MSI2: variants seen among roughly 807,000 people sequenced by gnomAD.
MSI2 encodes the protein musashi RNA binding protein 2, also known as RNA-binding protein Musashi homolog 2.
In MSI2, 17 loss-of-function variants were observed where a neutral mutation model predicts 45.6. The observed-to-expected ratio is 0.37, with a 90% CI of 0.26 to 0.56. The LOEUF (loss-of-function observed/expected upper bound fraction) is 0.56, where lower values mean the gene tolerates loss of function less well. MSI2 is among the 20% of genes least tolerant of loss of function. The probability of loss-of-function intolerance (pLI) is 0.77; values close to 1 mark genes in which losing one functional copy is unlikely to be tolerated. For missense variants in MSI2, 293 were observed against 444.2 expected (o/e 0.66, Z 3.06); for synonymous variants, 156 against 158.2 (o/e 0.99, Z 0.11).
chr17:57,283,411 C>T (rs1302296079), intron 5 of MSI2, among the ~76,000 whole-genome samples: 2 of 152,118 alleles, frequency 1.3e-5, no homozygotes, highest in African/African-American at 4.8e-5. Flanking sequence ...TCCCCGCCTC[C>T]AACTTCAGGG....
intron 11 of MSI2, among the ~76,000 whole-genome samples, chr17:57,661,513 T>C (rs1420056085): frequency 6.6e-6 from 1 of 152,032 alleles, no homozygotes; most frequent in Non-Finnish European, 1.5e-5. Flanking sequence ...CAGAACCATC[T>C]AAAGAAGATA....
At chr17:57,356,688 T>A (rs959209511) in intron 5 of MSI2, among the ~76,000 whole-genome samples, 2 of 152,228 alleles carry the variant, frequency 1.3e-5, no homozygotes, top group African/African-American at 4.8e-5. Flanking sequence ...GACTGATGTT[T>A]TATGCCTAAA....
chr17:57,481,528 T>A (rs1330433158), intron 6 of MSI2, among the ~76,000 whole-genome samples: 1 of 152,238 alleles, frequency 6.6e-6, no homozygotes, highest in Non-Finnish European at 1.5e-5. Context: ...TAACTAGGTC[T>A]CTTTGGGAAT....
At chr17:57,340,985 G>T (rs1325431417) in intron 5 of MSI2, among the ~76,000 whole-genome samples, 1 of 152,174 alleles carries the variant, frequency 6.6e-6, no homozygotes, top group Non-Finnish European at 1.5e-5. Flanking sequence ...TTGCTCCCCC[G>T]GTATCCATTC....
intron 7 of MSI2, among the ~76,000 whole-genome samples, chr17:57,592,641 A>G (rs751832151): frequency 1.4e-4 from 22 of 152,310 alleles, no homozygotes; most frequent in Non-Finnish European, 2.5e-4. Context: ...AATCCGGGCT[A>G]TCTCCTTTAA....
chr17:57,384,346 G>A (rs2083649005), intron 5 of MSI2, among the ~76,000 whole-genome samples: 2 of 152,146 alleles, frequency 1.3e-5, no homozygotes, highest in African/African-American at 4.8e-5. Context: ...TCTGGCTCCT[G>A]AACTGGGATG....
intron 11 of MSI2, among the ~76,000 whole-genome samples, chr17:57,668,953 T>G (rs1912575166): frequency 6.6e-6 from 1 of 152,206 alleles, no homozygotes; most frequent in South Asian, 2.1e-4. Context: ...TTGGACATCA[T>G]TGCCGATCTT....
chr17:57,295,169 T>C (rs948934203), intron 5 of MSI2, among the ~76,000 whole-genome samples: 3 of 152,166 alleles, frequency 2.0e-5, no homozygotes, highest in African/African-American at 7.2e-5. Context: ...TGGATGGTCA[T>C]GGTCATGTGT....
chr17:57,474,454 G>A (rs1649741851), intron 6 of MSI2, among the ~76,000 whole-genome samples: 1 of 152,068 alleles, frequency 6.6e-6, no homozygotes. Context: ...TTTGTCGTGG[G>A]CACTGTCCTG....
chr17:57,284,746 A>G (rs1909720421), intron 5 of MSI2, among the ~76,000 whole-genome samples: 1 of 152,198 alleles, frequency 6.6e-6, no homozygotes. Flanking sequence ...GATGAGAAGC[A>G]TGGGGCTTCA....
chr17:57,530,733 G>C lies in MSI2; in HGVS notation c.454+1009G>C, dbSNP rs1335501455. Among the ~76,000 whole-genome samples the C allele has an allele frequency of 5.9e-5, 9 of 152,190 alleles. No individual in the cohort carries two copies. In the South Asian group the frequency reaches 6.2e-4, roughly 11 times the overall value. ...CTGCTGTCACCTGTGATTAGAAACA[G>C]TTACCCAGCACTGACTGTATGTCTT... On this transcript the variant is annotated intron_variant, in intron 7 of 13. Coordinates refer to ENST00000284073, the MANE Select transcript of MSI2 (RefSeq NM_138962.4).
At chr17:57,673,576 A>C (rs1182918747) in intron 11 of MSI2, among the ~76,000 whole-genome samples, 1 of 152,230 alleles carries the variant, frequency 6.6e-6, no homozygotes, top group Non-Finnish European at 1.5e-5. Context: ...TTCCTTTAAC[A>C]ATTAAAAAAA....
chr17:57,369,552 G>T (rs774496061), intron 5 of MSI2, among the ~76,000 whole-genome samples: 2 of 152,190 alleles, frequency 1.3e-5, no homozygotes, highest in Non-Finnish European at 2.9e-5. Context: ...ATTCCATGGG[G>T]CACACACTTT....
intron 7 of MSI2, among the ~76,000 whole-genome samples, chr17:57,555,269 A>G (rs1417613171): frequency 6.6e-6 from 1 of 152,140 alleles, no homozygotes; most frequent in African/African-American, 2.4e-5. Flanking sequence ...TCAGACACCT[A>G]TCCCATCTGT....
intron 6 of MSI2, among the ~76,000 whole-genome samples, chr17:57,504,500 G>T (rs1011574808): frequency 3.3e-5 from 5 of 152,194 alleles, no homozygotes; most frequent in Admixed American, 2.6e-4. Flanking sequence ...ATATTTCCCT[G>T]TGGGCAGTCG....
intron 6 of MSI2, among the ~76,000 whole-genome samples, chr17:57,465,189 C>T (rs773857770): frequency 3.9e-5 from 6 of 152,104 alleles, no homozygotes; most frequent in Non-Finnish European, 7.4e-5. Context: ...AGGCCGGGTG[C>T]GGTGGCTCAG....
At chr17:57,300,419 C>T (rs1222759801) in intron 5 of MSI2, among the ~76,000 whole-genome samples, 1 of 152,080 alleles carries the variant, frequency 6.6e-6, no homozygotes, top group Admixed American at 6.5e-5. Context: ...CGTAGGGCTG[C>T]CTCCTTGCTA....
intron 5 of MSI2, among the ~76,000 whole-genome samples, chr17:57,385,040 C>T (rs562624229): frequency 6.6e-6 from 1 of 152,176 alleles, no homozygotes; most frequent in Non-Finnish European, 1.5e-5. Context: ...TCTCTTAAAT[C>T]TTTTCCCTCT....
At position 57,566,989 on chromosome 17, in the gene MSI2, G is replaced by A. The variant is rs530187236; in HGVS notation, c.455-29879G>A. 5.8e-4 allele frequency among the ~76,000 whole-genome samples: 88 copies of A among 152,266 alleles called. 1 individual carries two copies. Among genetic ancestry groups the A allele is most frequent in the African/African-American group, 2.0e-3 (84 of 41,538 alleles). Reference sequence around the variant, plus strand: ...AAGGACCTGATGAGTCTTCCTATCCGTGCCCTGGAGGGTGATGTTTCTCCA... The same window carrying A: ...AAGGACCTGATGAGTCTTCCTATCCATGCCCTGGAGGGTGATGTTTCTCCA... On this transcript the variant is annotated intron_variant, in intron 7 of 13. Coordinates refer to ENST00000284073, the MANE Select transcript of MSI2 (RefSeq NM_138962.4).
Sources: allele counts gnomAD v4.1 joint callset (sites outside exome capture counted in the v4.1 genomes callset), GRCh38; gene constraint gnomAD v4.1.1; transcripts MANE v1.5; gene names NCBI Gene and HGNC (gene_info 2026-07-23, HGNC 2026-07-21).